ALK: variants seen among roughly 807,000 people sequenced by gnomAD.
The protein encoded by ALK is ALK tyrosine kinase receptor.
A neutral mutation model predicts 163.1 loss-of-function variants in ALK; 74 were observed. The ratio of observed to expected loss-of-function variants is 0.45; its 90% CI spans 0.38 to 0.55. ALK has a LOEUF of 0.55. Among genes scored for constraint, ALK ranks in the 20% least tolerant of loss-of-function variants. The probability of loss-of-function intolerance (pLI) is 0.00; values close to 1 mark genes in which losing one functional copy is unlikely to be tolerated. For synonymous variants in ALK, 960 were observed against 843.2 expected, an observed-to-expected ratio of 1.14 and a Z score of -2.40; for missense variants, 2,063 against 2,105.3, an observed-to-expected ratio of 0.98 and a Z score of 0.39.
intron 25 of ALK, 61 bp downstream of exon 25, chr2:29,209,725 C>A (rs2148154796): frequency 8.0e-7 from 1 of 1,257,382 alleles, no homozygotes; most frequent in Non-Finnish European, 1.2e-6. Context: ...AGCCACACCC[C>A]ATTCTTGAGG....
intron 3 of ALK, among the ~76,000 whole-genome samples, chr2:29,561,306 C>G (rs939235069): frequency 2.0e-5 from 3 of 152,172 alleles, no homozygotes; most frequent in Non-Finnish European, 4.4e-5. Context: ...GGCTCACAAC[C>G]AGCCCCATAT....
At chr2:29,560,489 TA>T (rs1299151610) in intron 3 of ALK, among the ~76,000 whole-genome samples, 4 of 152,364 alleles carry the variant, frequency 2.6e-5, no homozygotes, top group African/African-American at 7.2e-5. Flanking sequence ...AAAAATGTTT[TA>T]AAATTAGATT....
intron 2 of ALK, among the ~76,000 whole-genome samples, chr2:29,714,453 T>C (rs1047409346): frequency 6.6e-6 from 1 of 152,214 alleles, no homozygotes; most frequent in Non-Finnish European, 1.5e-5. Flanking sequence ...ATTAGCCTCT[T>C]TCCACCTTGT....
intron 1 of ALK, among the ~76,000 whole-genome samples, chr2:29,870,837 A>G (rs1666559054): frequency 6.6e-6 from 1 of 152,202 alleles, no homozygotes; most frequent in South Asian, 2.1e-4. Flanking sequence ...AAGAAAAAGA[A>G]ATCAGGGCAA....
intron 4 of ALK, among the ~76,000 whole-genome samples, chr2:29,508,790 A>G (rs948568959): frequency 3.4e-5 from 5 of 149,248 alleles, no homozygotes; most frequent in Admixed American, 6.8e-5. Context: ...TCCCTGACCT[A>G]TTGAATCAGA....
At chr2:29,861,338 G>A (rs901599614) in intron 1 of ALK, among the ~76,000 whole-genome samples, 1 of 151,888 alleles carries the variant, frequency 6.6e-6, no homozygotes, top group African/African-American at 2.4e-5. Flanking sequence ...AAAAACAATA[G>A]AAAAGATCAA....
rs539585617 is a variant in ALK, at chr2:29,227,040, A to G, written c.2949T>C (p.His983=). The change falls in exon 18 of 29, where the codon CAT becomes CAC. Residue 983 remains histidine (H), a synonymous_variant. Transcript: ENST00000389048. This position sits in a 1 kb window ranked among gnomAD's most constrained non-coding sequence, Gnocchi z 4.4. ...MEGHGEVNIK[H]YLNCSHCEVD... is the part of the protein sequence containing the mutation. ...CCTCACAGTGACTGCAGTTTAGATA[A>G]TGCTTAATATTCACTTCCCCGTGGC... 1 of 1,614,096 alleles carries G rather than the reference A, an allele frequency of 6.2e-7. No homozygotes were observed. Among genetic ancestry groups the G allele is most frequent in the East Asian group, 2.2e-5 (1 of 44,860 alleles).
chr2:29,700,219 T>C (rs1678691697), intron 2 of ALK, among the ~76,000 whole-genome samples: 1 of 152,134 alleles, frequency 6.6e-6, no homozygotes, highest in Admixed American at 6.6e-5. Context: ...TCACACTCAA[T>C]GGGGACTTGG....
At chr2:29,448,935 A>C (rs10779969) in intron 4 of ALK, among the ~76,000 whole-genome samples, 87,077 of 151,924 alleles carry the variant, frequency 0.57, 25,159 homozygotes, top group East Asian at 0.69. Context: ...CAGCTGACTC[A>C]TCTCAACCTC....
At position 29,917,056 on chromosome 2, in the gene ALK, G is replaced by A. The variant is rs141537185; in HGVS notation, c.667+2937C>T. ...TATAAGGCCTCTCAGACATCTTTCT[G>A]TCCTCTCAGACAGCCCAAATCACAA... On this transcript the variant is annotated intron_variant, in intron 1 of 28. Transcript: ENST00000389048. Among the ~76,000 whole-genome samples the A allele has an allele frequency of 2.5e-4, 38 of 152,298 alleles. 1 individual carries two copies. The South Asian group carries it at 3.9e-3, about 16-fold the overall frequency.
At chr2:29,374,726 G>C (rs35176827) in intron 5 of ALK, among the ~76,000 whole-genome samples, 3,393 of 152,318 alleles carry the variant, frequency 0.022, 59 homozygotes, top group South Asian at 0.075. Context: ...AATGCAAGCA[G>C]ATCTCAGTGG....
intron 3 of ALK, among the ~76,000 whole-genome samples, chr2:29,650,441 G>T (rs1204496600): frequency 6.6e-6 from 1 of 152,074 alleles, no homozygotes; most frequent in Non-Finnish European, 1.5e-5. Flanking sequence ...ATGGAAAAGG[G>T]TAACTCTCTT....
At position 29,223,878 on chromosome 2, in the gene ALK, G is replaced by A. The variant is rs531218409; in HGVS notation, c.3173-350C>T. The A allele has an allele frequency of 8.6e-5, 34 of 393,836 alleles. No homozygotes were observed. The East Asian group carries it at 1.5e-3, about 17-fold the overall frequency. 24.4% of individuals were successfully genotyped at this position (393,836 alleles called of 1,614,324 possible). ...AGAAGAAATGCCCATGAGAGGAAAT[G>A]GGGAGGGAGCCAGGGAAGGCTGGGT... On this transcript the variant is annotated intron_variant, in intron 19 of 28. Transcript: ENST00000389048.
chr2:29,332,737 T>G (rs1288689707), intron 5 of ALK, among the ~76,000 whole-genome samples: 1 of 152,366 alleles, frequency 6.6e-6, no homozygotes, highest in Admixed American at 6.5e-5. Flanking sequence ...TACAATATTG[T>G]GCAATATGTC....
chr2:29,668,848 G>T (rs544539042), intron 3 of ALK, among the ~76,000 whole-genome samples: 4 of 152,196 alleles, frequency 2.6e-5, no homozygotes, highest in African/African-American at 7.2e-5. Flanking sequence ...GAAGGCAAAG[G>T]AAGAGCAAAG....
At chr2:29,229,175 C>A (rs1197174744) in intron 15 of ALK, 109 bp from the exon 16 acceptor site, 2 of 962,410 alleles carry the variant, frequency 2.1e-6, no homozygotes, top group African/African-American at 1.6e-5. Flanking sequence ...CGCACCAGCT[C>A]CAGCTCCCGG....
chr2:29,764,918 G>A (rs1290207097), intron 1 of ALK, among the ~76,000 whole-genome samples: 1 of 152,170 alleles, frequency 6.6e-6, no homozygotes, highest in Admixed American at 6.5e-5. Context: ...ATTGGATCAA[G>A]GGGGCAGATC....
At chr2:29,265,065 G>T (rs1665184490) in intron 11 of ALK, among the ~76,000 whole-genome samples, 1 of 152,176 alleles carries the variant, frequency 6.6e-6, no homozygotes, top group East Asian at 1.9e-4. Context: ...TGTCACCCAG[G>T]CTGGAGTACA....
intron 7 of ALK, among the ~76,000 whole-genome samples, chr2:29,318,664 T>G (rs557339081): frequency 1.0e-3 from 156 of 152,064 alleles, no homozygotes; most frequent in Middle Eastern, 6.8e-3. Flanking sequence ...CCTCCCGGGT[T>G]CATGCCATTC....
Sources: allele counts gnomAD v4.1 joint callset (sites outside exome capture counted in the v4.1 genomes callset), GRCh38; gene constraint gnomAD v4.1.1; non-coding constraint Gnocchi (gnomAD v3.1); transcripts MANE v1.5; gene names NCBI Gene and HGNC (gene_info 2026-07-23, HGNC 2026-07-21).